Variants in MUC22 observed in about 807,000 individuals in gnomAD.
The protein encoded by MUC22 is mucin 22.
A neutral mutation model predicts 40.3 loss-of-function variants in MUC22; 24 were observed. The observed-to-expected ratio is 0.60, with a 90% confidence interval of 0.43 to 0.84. MUC22 has a LOEUF of 0.84. Among genes scored for constraint, MUC22 ranks in the 40% least tolerant of loss-of-function variants. The pLI, the probability that MUC22 is intolerant of heterozygous loss-of-function variation, is 0.00. For synonymous variants in MUC22, 765 were observed against 844.5 expected (o/e 0.91, Z 1.63); for missense variants, 1,926 against 2,130.7 (o/e 0.90, Z 1.89).
At chr6:31,026,211 C>T (rs912171372) in exon 2 of MUC22, 2 of 1,521,852 alleles carry the variant, frequency 1.3e-6, no homozygotes, top group African/African-American at 1.4e-5. Context: ...CCACTGTGGC[C>T]CCCGCTGCAG....
chr6:31,019,547 G>T (rs1380909403), intron 1 of MUC22, among the ~76,000 whole-genome samples: 1 of 152,208 alleles, frequency 6.6e-6, no homozygotes, highest in Non-Finnish European at 1.5e-5. Flanking sequence ...CAGTGGCCCA[G>T]AGAAGGATAT....
chr6:31,025,832 T>C, exon 2 of MUC22: 1 of 1,531,990 alleles, frequency 6.5e-7, no homozygotes, highest in Non-Finnish European at 8.7e-7. Context: ...TCCACCACAG[T>C]CTCTGGGACC....
At chr6:31,027,065 C>A (rs1188978386) in exon 2 of MUC22, 1 of 1,497,994 alleles carries the variant, frequency 6.7e-7, no homozygotes, top group Admixed American at 2.0e-5. Context: ...GGCTCTGAGC[C>A]TACCATGGCA....
In MUC22 at chr6:31,029,420, C is replaced by T. The variant is rs375120445; in HGVS notation, c.3989C>T (p.Thr1330Ile). Reference sequence around the variant, plus strand: ...GGCTCTGAGACCACCACAGCCTCTACCGCAGATTTGGAGACCACCACAGTC... The same window carrying T: ...GGCTCTGAGACCACCACAGCCTCTATCGCAGATTTGGAGACCACCACAGTC... Residue 1330 changes from threonine (T) to isoleucine (I), a missense_variant, in exon 2 of 4, where the codon ACC becomes ATC. Coordinates refer to ENST00000561890, the Ensembl canonical transcript of MUC22. 36 of 1,535,130 alleles carry T rather than the reference C, an allele frequency of 2.3e-5. No individual in the cohort carries two copies. The East Asian group carries it at 3.7e-4, about 16-fold the overall frequency.
intron 1 of MUC22, among the ~76,000 whole-genome samples, chr6:31,020,508 G>A (rs1379852693): frequency 5.0e-5 from 7 of 140,806 alleles, no homozygotes; most frequent in African/African-American, 7.9e-5. Context: ...GTAATGGCAC[G>A]ATCTTGGCTC....
chr6:31,012,192 G>A (rs955747767), intron 1 of MUC22, among the ~76,000 whole-genome samples: 33 of 152,200 alleles, frequency 2.2e-4, no homozygotes, highest in African/African-American at 7.5e-4. Flanking sequence ...TGGGAGGTGC[G>A]GTTGAAAGAG....
intron 1 of MUC22, among the ~76,000 whole-genome samples, chr6:31,021,984 C>CT (rs916482183): frequency 2.0e-5 from 3 of 152,070 alleles, no homozygotes; most frequent in African/African-American, 7.2e-5. Context: ...CTGAAGCCAG[C>CT]GAGCCCACGA....
exon 2 of MUC22, chr6:31,025,624 A>G: frequency 6.6e-7 from 1 of 1,523,176 alleles, no homozygotes; most frequent in Non-Finnish European, 8.8e-7. Flanking sequence ...AGGCTCTAAG[A>G]TCACCACAGA....
rs1322407517 is a variant in MUC22, at chr6:31,032,192, A to G, written c.4670-4A>G. 1 of 1,530,734 alleles carries G rather than the reference A, an allele frequency of 6.5e-7. No individual in the cohort carries two copies. The highest frequency in any genetic ancestry group is 1.2e-5 in the South Asian group (1 of 83,158). 94.8% of individuals were successfully genotyped at this position (1,530,734 alleles called of 1,614,324 possible). On this transcript the variant is annotated splice_polypyrimidine_tract_variant and splice_region_variant and intron_variant, in intron 2 of 3. Coordinates refer to ENST00000561890, the Ensembl canonical transcript of MUC22. The surrounding 1 kb of genome is among the most constrained non-coding windows in gnomAD (Gnocchi z 4.1). ...TGCATCATCTTGTGTGACCTGTTTC[A>G]TAGGCACCAGAACCACTGGAACCAG... is the stretch of plus-strand genomic sequence containing the variant.
At chr6:31,013,315 C>T (rs1025696376) in intron 1 of MUC22, among the ~76,000 whole-genome samples, 3 of 151,790 alleles carry the variant, frequency 2.0e-5, no homozygotes, top group Non-Finnish European at 4.4e-5. Flanking sequence ...TTAGTAGAGA[C>T]GGGGTTTCAT....
chr6:31,010,560 G>T, exon 1 of MUC22: 1 of 618,046 alleles, frequency 1.6e-6, no homozygotes, highest in Non-Finnish European at 2.9e-6. Flanking sequence ...GCTTACCCTG[G>T]CACTGGCTGG....
intron 1 of MUC22, among the ~76,000 whole-genome samples, chr6:31,021,317 G>A (rs1764720885): frequency 6.8e-6 from 1 of 147,486 alleles, no homozygotes; most frequent in African/African-American, 2.5e-5. Context: ...CTCTGGTAGG[G>A]CCTTGGAGAA....
exon 2 of MUC22, chr6:31,027,008 C>T: frequency 6.7e-7 from 1 of 1,493,662 alleles, no homozygotes; most frequent in Non-Finnish European, 8.9e-7. Flanking sequence ...TCTAAGACTA[C>T]CACAGCCTCT....
At chr6:31,012,749 A>G (rs1763939819) in intron 1 of MUC22, among the ~76,000 whole-genome samples, 1 of 152,118 alleles carries the variant, frequency 6.6e-6, no homozygotes, top group South Asian at 2.1e-4. Flanking sequence ...ATTACAGTGG[A>G]TTAGCAAGGA....
At position 31,026,406 on chromosome 6, in the gene MUC22, C is replaced by T. The variant is rs185985848; in HGVS notation, c.975C>T (p.Ser325=). 22 of 1,506,802 alleles carry T rather than the reference C, an allele frequency of 1.5e-5. 2 individuals carry two copies. Among genetic ancestry groups the T allele is most frequent in the Admixed American group, 2.0e-5 (1 of 48,920 alleles). 93.3% of individuals were successfully genotyped at this position (1,506,802 alleles called of 1,614,324 possible). Residue 325 remains serine (S), a synonymous_variant, in exon 2 of 4, where the codon TCC becomes TCT. Coordinates refer to ENST00000561890, the Ensembl canonical transcript of MUC22. ...TCACCACCACCTCTACGGCAGGATCCGAGAACACCACAGTCTCTAGTGCAG... is the reference window on the plus strand; with the variant it reads ...TCACCACCACCTCTACGGCAGGATCTGAGAACACCACAGTCTCTAGTGCAG...
At chr6:31,033,307 AAG>A (rs1355134883) in intron 3 of MUC22, among the ~76,000 whole-genome samples, 1 of 149,088 alleles carries the variant, frequency 6.7e-6, no homozygotes, top group African/African-American at 2.4e-5. Flanking sequence ...GAGAAAGAGA[AAG>A]AAAAAAGAAA....
chr6:31,029,524 A>T (rs1247413937), exon 2 of MUC22: 2 of 1,528,564 alleles, frequency 1.3e-6, no homozygotes, highest in African/African-American at 2.8e-5. Flanking sequence ...AGGCTCTAAG[A>T]CTACCACCGC....
intron 1 of MUC22, among the ~76,000 whole-genome samples, chr6:31,016,982 A>G (rs1764259368): frequency 6.6e-6 from 1 of 152,216 alleles, no homozygotes; most frequent in Non-Finnish European, 1.5e-5. Context: ...GTTCCCCAGC[A>G]GTGCCAGCGG....
At chr6:31,006,068 C>A, upstream of MUC22, 1 of 312,272 alleles carries the variant, frequency 3.2e-6, no homozygotes, top group Non-Finnish European at 6.2e-6. Context: ...GATTGCACCA[C>A]TGCACTCCAG....
Sources: allele counts gnomAD v4.1 joint callset (sites outside exome capture counted in the v4.1 genomes callset), GRCh38; gene constraint gnomAD v4.1.1; non-coding constraint Gnocchi (gnomAD v3.1); transcripts MANE v1.5; gene names NCBI Gene and HGNC (gene_info 2026-07-23, HGNC 2026-07-21).